The following ICAM3 variants were observed in gnomAD, a reference collection of about 807,000 sequenced individuals.
The protein encoded by ICAM3 is intercellular adhesion molecule 3, also known as ICAM-3.
In ICAM3, 54 loss-of-function variants were observed where a neutral mutation model predicts 43.6. The ratio of observed to expected loss-of-function variants is 1.24; its 90% CI spans 0.99 to 1.55. ICAM3 has a LOEUF of 1.55. ICAM3 is among the 40% of genes most tolerant of loss of function. ICAM3 has a pLI of 0.00. For missense variants in ICAM3, 715 were observed against 717.9 expected, an observed-to-expected ratio of 1.00 and a Z score of 0.05; for synonymous variants, 306 against 312.6, an observed-to-expected ratio of 0.98 and a Z score of 0.22.
Position 10,334,106 on chromosome 19 carries a change from A to AGCCCC in ICAM3, c.1442-48_1442-47insGGGGC. ...TCAATATGCGTCCCTTCTGTCTCCA[A>AGCCCC]CCCCCCCGCCCCCCGGCTTACCGGT... is the stretch of plus-strand genomic sequence containing the variant. On this transcript the variant is annotated intron_variant, in intron 6 of 6. Transcript: ENST00000160262. The surrounding 1 kb of genome is among the most constrained non-coding windows in gnomAD (Gnocchi z 5.5). 1 of 1,579,154 alleles carries AGCCCC rather than the reference A, an allele frequency of 6.3e-7. No individual in the cohort carries two copies. Among genetic ancestry groups the AGCCCC allele is most frequent in the Non-Finnish European group, 8.7e-7 (1 of 1,151,634 alleles).
intron 2 of ICAM3, among the ~76,000 whole-genome samples, chr19:10,338,213 G>C (rs2040618615): frequency 6.6e-6 from 1 of 152,016 alleles, no homozygotes; most frequent in Non-Finnish European, 1.5e-5. Flanking sequence ...AGACCAGACT[G>C]GCCAACATGG....
At chr19:10,335,540 C>A in intron 3 of ICAM3, 131 bp downstream of exon 3, 1 of 1,164,360 alleles carries the variant, frequency 8.6e-7, no homozygotes, top group Non-Finnish European at 1.2e-6. Context: ...GCCACCTTGC[C>A]CAGTGGCCGG....
At position 10,334,832 on chromosome 19, in the gene ICAM3, G is replaced by T. The variant is rs200939629; in HGVS notation, c.938-50C>A. The stretch of plus-strand genomic sequence containing the variant: ...GCTTAATGAACAGGACCTTCCTGTG[G>T]GTCAAGCCGCTCCCTCCGCCCTCCC... On this transcript the variant is annotated intron_variant, in intron 4 of 6. Coordinates refer to ENST00000160262, the MANE Select transcript of ICAM3 (RefSeq NM_002162.5). This position sits in a 1 kb window ranked among gnomAD's most constrained non-coding sequence, Gnocchi z 5.5. 26 of 1,524,382 alleles carry T rather than the reference G, an allele frequency of 1.7e-5. No homozygotes were observed. The highest frequency in any genetic ancestry group is 4.2e-5 in the Admixed American group (2 of 47,600). The allele number at this position is 1,524,382 out of a possible 1,614,324, so 94.4% of individuals were successfully genotyped here. A position where few individuals can be genotyped will look rare whatever the true frequency, so the allele number is the denominator to read the frequency against.
Position 10,339,254 on chromosome 19 carries a change from G to A in ICAM3, c.76+285C>T, listed in dbSNP as rs909057604. On this transcript the variant is annotated intron_variant, in intron 1 of 6. Transcript: ENST00000160262. ...GAAAGGGACAGGTGATCCTGGCAGAGGGAAGCACATACGCAAAGGGCAAAT... is the reference window on the plus strand; with the variant it reads ...GAAAGGGACAGGTGATCCTGGCAGAAGGAAGCACATACGCAAAGGGCAAAT... The A allele has an allele frequency of 4.7e-5, 27 of 580,612 alleles. 1 individual carries two copies. Among genetic ancestry groups the A allele is most frequent in the South Asian group, 2.3e-4 (11 of 47,590 alleles). The allele number at this position is 580,612 out of a possible 1,614,324, so 36.0% of individuals were successfully genotyped here.
At position 10,334,694 on chromosome 19, in the gene ICAM3, G is replaced by A. The variant is rs893798076; in HGVS notation, c.1026C>T (p.Val342=). 5 of 1,613,114 alleles carry A rather than the reference G, an allele frequency of 3.1e-6. No homozygotes were observed. In the Admixed American group the frequency reaches 8.3e-5, roughly 27 times the overall value. Residue 342 remains valine (V), a synonymous_variant, in exon 5 of 7, where the codon GTC becomes GTT. Coordinates refer to ENST00000160262, the MANE Select transcript of ICAM3 (RefSeq NM_002162.5). The surrounding 1 kb of genome is among the most constrained non-coding windows in gnomAD (Gnocchi z 5.5). ...CCGGAACTCCGTCCAGCGTGACCTGGACTCGAGCCCCAGCCATGCAACTCA... is the reference window on the plus strand; with the variant it reads ...CCGGAACTCCGTCCAGCGTGACCTGAACTCGAGCCCCAGCCATGCAACTCA... ...VTVSCMAGAR[V]QVTLDGVPAA...
intron 1 of ICAM3, 194 bp downstream of exon 1, chr19:10,339,345 G>C (rs1269931381): frequency 1.7e-6 from 1 of 594,794 alleles, no homozygotes; most frequent in East Asian, 2.8e-5. Context: ...GAGAGGGATG[G>C]CGTACAAGCC....
Position 10,338,681 on chromosome 19 carries a change from C to T in ICAM3, c.343+1G>A, listed in dbSNP as rs775290461. 8 of 1,613,768 alleles carry T rather than the reference C, an allele frequency of 5.0e-6. No homozygotes were observed. The highest frequency in any genetic ancestry group is 1.1e-5 in the South Asian group (1 of 91,086). The stretch of plus-strand genomic sequence containing the variant: ...TCCCACCTCCGGACACGTCGACTCA[C>T]TGTACACGGTGATGTTAGAGGAGCC... On this transcript the variant is annotated splice_donor_variant, in intron 2 of 6. Transcript: ENST00000160262. LOFTEE classifies it high-confidence loss of function.
rs765108324 is a variant in ICAM3 at position 10,333,955 on chromosome 19, T to C, written c.1546A>G (p.Ser516Gly). The C allele has an allele frequency of 2.5e-6, 4 of 1,613,972 alleles. No individual in the cohort carries two copies. The African/African-American group carries it at 5.3e-5, about 22-fold the overall frequency. ...TCCTCCCTAACATGGTAACTGCCGC[T>C]CCGTTGGTGCTCCCTGAAGACGTAC... ...LMYVFREHQR[S>G]GSYHVREEST... The change falls in exon 7 of 7, where the codon AGC becomes GGC. Residue 516 changes from serine to glycine, a missense_variant. By Grantham distance (56) the Ser-to-Gly change is moderately conservative. Coordinates refer to ENST00000160262, the MANE Select transcript of ICAM3 (RefSeq NM_002162.5). This position sits in a 1 kb window ranked among gnomAD's most constrained non-coding sequence, Gnocchi z 4.2.
intron 2 of ICAM3, among the ~76,000 whole-genome samples, chr19:10,338,204 G>A (rs1245631964): frequency 6.6e-6 from 1 of 151,950 alleles, no homozygotes; most frequent in Non-Finnish European, 1.5e-5. Context: ...AGGAGTTCAA[G>A]ACCAGACTGG....
At position 10,334,316 on chromosome 19, in the gene ICAM3, G is replaced by C. The variant is rs535509279; in HGVS notation, c.1285C>G (p.Pro429Ala). 5.6e-6 allele frequency: 9 copies of C among 1,614,218 alleles called. No homozygotes were observed. The highest frequency in any genetic ancestry group is 4.4e-5 in the South Asian group (4 of 91,088). The change falls in exon 6 of 7, where the codon CCG (proline) becomes GCG (alanine). Residue 429 changes from proline (P) to alanine (A), a missense_variant. Coordinates refer to ENST00000160262, the MANE Select transcript of ICAM3 (RefSeq NM_002162.5). The surrounding 1 kb of genome is among the most constrained non-coding windows in gnomAD (Gnocchi z 5.5). ...TTCAAACACCGCAGCTCGGGGTACG[G>C]GTTGCCCCTGGCTTGGCACTGCAGG... ...HVLQCQARGN[P>A]YPELRCLKEG...
Position 10,338,737 on chromosome 19 carries a change from G to A in ICAM3, c.288C>T (p.Cys96=), listed in dbSNP as rs2040623803. The A allele has an allele frequency of 6.2e-7, 1 of 1,614,046 alleles. No homozygotes were observed. Among genetic ancestry groups the A allele is most frequent in the African/African-American group, 1.3e-5 (1 of 74,950 alleles). The stretch of plus-strand genomic sequence containing the variant: ...TCTGAGAGCCATTGCAGTACACTGA[G>A]CAGAGGATCCGACTGTTGCCAGTCA... The part of the protein sequence containing the change: ...SNVTGNSRIL[C]SVYCNGSQIT... The change falls in exon 2 of 7, where the codon TGC becomes TGT. Residue 96 remains cysteine (C), a synonymous_variant. Coordinates refer to ENST00000160262, the MANE Select transcript of ICAM3 (RefSeq NM_002162.5).
rs773844843 is a variant in ICAM3, at chr19:10,335,158, G to A, written c.845C>T (p.Ala282Val). Reference protein sequence around the residue: ...DTLTATATATARADQEGAREI... With the variant: ...DTLTATATATVRADQEGAREI... ...CCGGGCACCCTCCTGATCCGCGCGC[G>A]CCGTGGCTGTGGCTGTGGCCGTTAG... The change falls in exon 4 of 7, where the codon GCG becomes GTG. Residue 282 changes from alanine (A) to valine (V), a missense_variant. By Grantham distance (64) the Ala-to-Val change is moderately conservative (BLOSUM62 0). Transcript: ENST00000160262. 6.2e-6 allele frequency: 10 copies of A among 1,613,574 alleles called. No homozygotes were observed. Among genetic ancestry groups the A allele is most frequent in the Non-Finnish European group, 8.5e-6 (10 of 1,180,000 alleles).
Position 10,334,217 on chromosome 19 carries a change from A to C in ICAM3, c.1384T>G (p.Cys462Gly), listed in dbSNP as rs1336572247. The change falls in exon 6 of 7, where the codon TGC (cysteine) becomes GGC (glycine). Residue 462 changes from cysteine to glycine, a missense_variant. By Grantham distance (159) the Cys-to-Gly change is radical. Transcript: ENST00000160262. This position sits in a 1 kb window ranked among gnomAD's most constrained non-coding sequence, Gnocchi z 5.5. ...VNVTHNGTYQ[C>G]QASSSRGKYT... ...TTGCCTCGTGAGCTGGACGCTTGGC[A>C]CTGATAAGTACCATTATGTGTTACG... The C allele has an allele frequency of 5.6e-6, 9 of 1,613,698 alleles. No homozygotes were observed. In the East Asian group the frequency reaches 2.0e-4, roughly 36 times the overall value.
At chr19:10,339,392 G>C (rs1467959482) in intron 1 of ICAM3, 147 bp downstream of exon 1, 1 of 692,038 alleles carries the variant, frequency 1.4e-6, no homozygotes, top group African/African-American at 1.8e-5. Context: ...CTGAACTAAG[G>C]AACCAGAACT....
rs778189740 is a variant in ICAM3 at position 10,335,050 on chromosome 19, C to T, written c.937+16G>A. The stretch of plus-strand genomic sequence containing the variant: ...AGACTGCTGAGGCCGCGCCCCCTTC[C>T]CACGCCTCCTCTTACTAAAGACCGT... On this transcript the variant is annotated intron_variant, in intron 4 of 6. Transcript: ENST00000160262. The T allele has an allele frequency of 5.6e-6, 9 of 1,607,024 alleles. No homozygotes were observed. The highest frequency in any genetic ancestry group is 7.7e-6 in the Non-Finnish European group (9 of 1,175,566).
chr19:10,335,930 C>T lies in ICAM3; in HGVS notation c.390G>A (p.Pro130=), dbSNP rs1395015789. 1 of 1,583,206 alleles carries T rather than the reference C, an allele frequency of 6.3e-7. No homozygotes were observed. Residue 130 remains proline, a synonymous_variant, in exon 3 of 7, where the codon CCG becomes CCA. Coordinates refer to ENST00000160262, the MANE Select transcript of ICAM3 (RefSeq NM_002162.5). ...VELAPLPPWQ[P]VGQNFTLRCQ... ...AGCGCAGGGTGAAGTTCTGGCCCAC[C>T]GGCTGCCAAGGAGGCAGGGGTGCCA...
chr19:10,336,145 G>T (rs2040596715), intron 2 of ICAM3, 169 bp from the exon 3 acceptor site: 2 of 608,490 alleles, frequency 3.3e-6, no homozygotes, highest in Non-Finnish European at 2.9e-6. Context: ...TATCATTAGC[G>T]CAGTGATTAT....
chr19:10,337,065 G>A (rs532337533), intron 2 of ICAM3, among the ~76,000 whole-genome samples: 65 of 151,662 alleles, frequency 4.3e-4, no homozygotes, highest in Non-Finnish European at 8.4e-4. Flanking sequence ...AGCTGACATC[G>A]CGCCATTGTA....
At position 10,335,356 on chromosome 19, in the gene ICAM3, G is replaced by T. The variant is rs527279406; in HGVS notation, c.650-3C>A. The T allele has an allele frequency of 1.9e-6, 3 of 1,595,936 alleles. No homozygotes were observed. Among genetic ancestry groups the T allele is most frequent in the East Asian group, 4.5e-5 (2 of 44,422 alleles). On this transcript the variant is annotated splice_polypyrimidine_tract_variant and splice_region_variant and intron_variant, in intron 3 of 6. Coordinates refer to ENST00000160262, the MANE Select transcript of ICAM3 (RefSeq NM_002162.5). ...GCGCGGGGGGGTCACGGGCAGGACT[G>T]GGGAGAAAGGTGGGCATAGTACAAC...
Sources: gnomAD v4.1 joint callset for allele counts (sites outside exome capture counted in the v4.1 genomes callset) on GRCh38, gnomAD v4.1.1 for gene constraint, Gnocchi (gnomAD v3.1) non-coding constraint, MANE v1.5 for transcripts, NCBI Gene and HGNC (gene_info 2026-07-23, HGNC 2026-07-21) for gene names.